TSPAN8: variants seen among roughly 807,000 people sequenced by gnomAD.
TSPAN8 encodes tetraspanin-8.
Under a neutral mutation model 32.8 loss-of-function variants are expected in TSPAN8, and 21 were observed. That is an observed-to-expected ratio of 0.64 (90% confidence interval 0.45 to 0.92). TSPAN8 has a LOEUF of 0.92. TSPAN8 is among the 40% of genes least tolerant of loss of function. The pLI is 0.00. For synonymous variants in TSPAN8, 95 were observed against 94.6 expected, an observed-to-expected ratio of 1.00 and a Z score of -0.03; for missense variants, 269 against 281.9, an observed-to-expected ratio of 0.95 and a Z score of 0.33.
intron 2 of TSPAN8, among the ~76,000 whole-genome samples, chr12:71,146,577 G>A (rs1047532234): frequency 1.3e-5 from 2 of 152,104 alleles, no homozygotes; most frequent in Non-Finnish European, 2.9e-5. Context: ...ATAAATGCCT[G>A]CTCTCTACTT....
Position 71,138,005 on chromosome 12 carries a change from G to C in TSPAN8, c.392C>G (p.Thr131Arg), listed in dbSNP as rs776253194. The C allele has an allele frequency of 3.7e-6, 6 of 1,613,834 alleles. No homozygotes were observed. Among genetic ancestry groups the C allele is most frequent in the Non-Finnish European group, 5.1e-6 (6 of 1,179,998 alleles). The part of the protein sequence containing the change: ...LYENTKLLSA[T>R]GESEKQFQEA... ...CTGGAATTGTTTTTCACTTTCCCCT[G>C]TGGCGCTCAAAAGCTTTGTGTTTTC... is the stretch of plus-strand genomic sequence containing the variant. Residue 131 changes from threonine to arginine, a missense_variant, in exon 6 of 9, where the codon ACA becomes AGA. Transcript: ENST00000247829.
intron 6 of TSPAN8, among the ~76,000 whole-genome samples, chr12:71,137,606 A>G (rs1237516025): frequency 7.4e-5 from 1 of 13,566 alleles, no homozygotes; most frequent in African/African-American, 2.0e-4. Flanking sequence ...TCCCCCCCCA[A>G]AAAAAAGGGG....
intron 2 of TSPAN8, among the ~76,000 whole-genome samples, chr12:71,153,125 T>G (rs556268942): frequency 7.2e-4 from 109 of 152,216 alleles, no homozygotes; most frequent in African/African-American, 2.5e-3. Context: ...TTCTACTGCA[T>G]CCACGAGCCA....
At chr12:71,139,003 G>C in intron 4 of TSPAN8, 1 of 176,518 alleles carries the variant, frequency 5.7e-6, no homozygotes, top group South Asian at 3.6e-5. Context: ...ATTTTCTACT[G>C]TATATGTTAA....
chr12:71,138,004 T>C lies in TSPAN8; in HGVS notation c.393A>G (p.Thr131=), dbSNP rs1374283496. The C allele has an allele frequency of 6.2e-6, 10 of 1,613,942 alleles. 1 individual carries two copies. The highest frequency in any genetic ancestry group is 3.3e-5 in the Admixed American group (2 of 59,990). ...CCTGGAATTGTTTTTCACTTTCCCCTGTGGCGCTCAAAAGCTTTGTGTTTT... is the reference window on the plus strand; with the variant it reads ...CCTGGAATTGTTTTTCACTTTCCCCCGTGGCGCTCAAAAGCTTTGTGTTTT... ...LYENTKLLSA[T]GESEKQFQEA... is the part of the protein sequence containing the mutation. The change falls in exon 6 of 9, where the codon ACA becomes ACG. Residue 131 remains threonine, a synonymous_variant. Coordinates refer to ENST00000247829, the MANE Select transcript of TSPAN8 (RefSeq NM_004616.3).
intron 2 of TSPAN8, chr12:71,157,412 A>G (rs112323421): frequency 0.01 from 5,157 of 493,478 alleles, 67 homozygotes; most frequent in African/African-American, 0.036. Context: ...TTATCCTCAC[A>G]TTCTGAAGTG....
At position 71,125,288 on chromosome 12, in the gene TSPAN8, C is replaced by T; in HGVS notation, c.*46G>A. 1 of 1,552,248 alleles carries T rather than the reference C, an allele frequency of 6.4e-7. No homozygotes were observed. On this transcript the variant is annotated 3_prime_UTR_variant, in exon 9 of 9. Coordinates refer to ENST00000247829, the MANE Select transcript of TSPAN8 (RefSeq NM_004616.3). ...ATTTAAATTTACAAAGCCAAAGCAACATTTTAAAGGGGTTTGACTGACGAT... is the reference window on the plus strand; with the variant it reads ...ATTTAAATTTACAAAGCCAAAGCAATATTTTAAAGGGGTTTGACTGACGAT...
At chr12:71,143,081 C>G (rs1269416137) in intron 3 of TSPAN8, among the ~76,000 whole-genome samples, 1 of 152,134 alleles carries the variant, frequency 6.6e-6, no homozygotes, top group East Asian at 1.9e-4. Context: ...AAATTCTTCT[C>G]AGAGAGGAGA....
At chr12:71,156,252 A>G (rs1394716862) in intron 2 of TSPAN8, among the ~76,000 whole-genome samples, 4 of 94,634 alleles carry the variant, frequency 4.2e-5, no homozygotes, top group Non-Finnish European at 8.0e-5. Flanking sequence ...AAGTTCTCCA[A>G]AAAAAAAAAA....
chr12:71,136,336 C>T (rs1871696712), intron 6 of TSPAN8, among the ~76,000 whole-genome samples: 1 of 152,086 alleles, frequency 6.6e-6, no homozygotes, highest in Non-Finnish European at 1.5e-5. Context: ...TGCATATAAG[C>T]AGGATGGGCA....
At chr12:71,149,666 T>C (rs1015185589) in intron 2 of TSPAN8, among the ~76,000 whole-genome samples, 1 of 152,254 alleles carries the variant, frequency 6.6e-6, no homozygotes, top group Non-Finnish European at 1.5e-5. Context: ...AATACTCTTA[T>C]AATTTCTTAC....
In TSPAN8 at chr12:71,132,798, T is replaced by C. The variant is rs1871560233; in HGVS notation, c.471A>G (p.Gly157=). The C allele has an allele frequency of 6.2e-7, 1 of 1,613,800 alleles. No homozygotes were observed. The highest frequency in any genetic ancestry group is 8.5e-7 in the Non-Finnish European group (1 of 1,179,948). The change falls in exon 7 of 9, where the codon GGA becomes GGG. Residue 157 remains glycine, a synonymous_variant. Coordinates refer to ENST00000247829, the MANE Select transcript of TSPAN8 (RefSeq NM_004616.3). ...EEFKCCGLVN[G]AADWGNNFQH... ...GAAAATTATTTCCCCAATCAGCAGC[T>C]CCATTGACCAAACCGCAGCATTTAA...
chr12:71,139,439 T>A (rs369207890), intron 4 of TSPAN8, among the ~76,000 whole-genome samples: 8 of 152,244 alleles, frequency 5.3e-5, no homozygotes, highest in African/African-American at 1.9e-4. Flanking sequence ...TCGCACAATA[T>A]CTGACACATA....
chr12:71,138,379 A>G (rs1334545310), intron 4 of TSPAN8, 149 bp from the exon 5 acceptor site: 37 of 875,662 alleles, frequency 4.2e-5, no homozygotes, highest in Non-Finnish European at 6.0e-5. Context: ...TTTTACTTCA[A>G]GCTGAAAATT....
In TSPAN8 at chr12:71,132,838, G is replaced by C. The variant is rs777739682; in HGVS notation, c.445-14C>G. ...GCAGCATTTAAACTGTTTGATAAAA[G>C]GTAGAATGAGAAGCAGTCAGTAAGA... On this transcript the variant is annotated splice_polypyrimidine_tract_variant and intron_variant, in intron 6 of 8. Coordinates refer to ENST00000247829, the MANE Select transcript of TSPAN8 (RefSeq NM_004616.3). 55 of 1,612,972 alleles carry C rather than the reference G, an allele frequency of 3.4e-5. No homozygotes were observed. Among genetic ancestry groups the C allele is most frequent in the Non-Finnish European group, 4.3e-5 (51 of 1,179,790 alleles).
At chr12:71,132,668 G>T (rs1368927446) in intron 7 of TSPAN8, 25 bp downstream of exon 7, 1 of 1,610,326 alleles carries the variant, frequency 6.2e-7, no homozygotes, top group Non-Finnish European at 8.5e-7. Context: ...ATTGCTTATT[G>T]TACCAAATGT....
intron 3 of TSPAN8, 79 bp downstream of exon 3, chr12:71,144,072 C>A: frequency 7.9e-7 from 1 of 1,268,880 alleles, no homozygotes; most frequent in Non-Finnish European, 1.1e-6. Flanking sequence ...ATGTTTATTA[C>A]TATTATTGTT....
chr12:71,151,482 G>A (rs1872254075), intron 2 of TSPAN8, among the ~76,000 whole-genome samples: 1 of 152,144 alleles, frequency 6.6e-6, no homozygotes, highest in Non-Finnish European at 1.5e-5. Flanking sequence ...TAGGGCCTCA[G>A]TAACCACTAA....
chr12:71,149,795 G>T lies in TSPAN8; in HGVS notation c.61-5582C>A, dbSNP rs139508329. Among the ~76,000 whole-genome samples, 419 of 152,278 alleles carry T rather than the reference G, an allele frequency of 2.8e-3. 9 individuals are homozygous for T. The East Asian group carries it at 0.051, about 18-fold the overall frequency. On this transcript the variant is annotated intron_variant, in intron 2 of 8. Coordinates refer to ENST00000247829, the MANE Select transcript of TSPAN8 (RefSeq NM_004616.3). ...AATTGATTGTAAAACATGTGCGTTT[G>T]AACAATATGAAATCAGTGCACCTTG... is the stretch of plus-strand genomic sequence containing the variant.
Sources: allele counts gnomAD v4.1 joint callset (sites outside exome capture counted in the v4.1 genomes callset), GRCh38; gene constraint gnomAD v4.1.1; transcripts MANE v1.5; gene names NCBI Gene and HGNC (gene_info 2026-07-23, HGNC 2026-07-21).